The following SEC23A variants were observed in gnomAD, a reference collection of about 807,000 sequenced individuals.
SEC23A encodes the protein SEC23 homolog A, COPII component.
In SEC23A, 56 loss-of-function variants were observed where a neutral mutation model predicts 103.7. The ratio of observed to expected loss-of-function variants is 0.54; its 90% confidence interval spans 0.44 to 0.67. SEC23A has a LOEUF of 0.67. Ranked by LOEUF, SEC23A falls within the 30% of genes least tolerant of loss-of-function variation. The pLI, the probability that SEC23A is intolerant of heterozygous loss-of-function variation, is 0.00. For synonymous variants in SEC23A, 281 were observed against 293.0 expected, an observed-to-expected ratio of 0.96 and a Z score of 0.42; for missense variants, 784 against 936.4, an observed-to-expected ratio of 0.84 and a Z score of 2.12.
chr14:39,052,074 C>T (rs1886082711), intron 14 of SEC23A, among the ~76,000 whole-genome samples: 1 of 151,992 alleles, frequency 6.6e-6, no homozygotes, highest in South Asian at 2.1e-4. Context: ...GCAAACACCA[C>T]ATGCTCTCAC....
intron 17 of SEC23A, among the ~76,000 whole-genome samples, chr14:39,041,829 A>G (rs1885657473): frequency 6.7e-6 from 1 of 148,720 alleles, no homozygotes; most frequent in African/African-American, 2.5e-5. Flanking sequence ...AGATAGCGCC[A>G]CTGCACTCCA....
At chr14:39,076,235 T>A in intron 7 of SEC23A, 142 bp from the exon 8 acceptor site, 1 of 801,348 alleles carries the variant, frequency 1.2e-6, no homozygotes, top group Non-Finnish European at 1.9e-6. Context: ...CAATGAAATT[T>A]AAAAACAAAG....
intron 1 of SEC23A, among the ~76,000 whole-genome samples, chr14:39,098,154 C>T (rs1210739681): frequency 1.3e-5 from 2 of 151,642 alleles, no homozygotes; most frequent in Non-Finnish European, 2.9e-5. Flanking sequence ...GTGGTATGAG[C>T]TTTCAAGGAA....
chr14:39,084,262 G>A (rs1179187192), intron 7 of SEC23A, among the ~76,000 whole-genome samples: 1 of 150,680 alleles, frequency 6.6e-6, no homozygotes, highest in African/African-American at 2.4e-5. Flanking sequence ...TCCTGACCTC[G>A]TGATCCACCC....
intron 13 of SEC23A, among the ~76,000 whole-genome samples, chr14:39,059,291 A>AAAAAAAAAC (rs1886377565): frequency 1.5e-5 from 1 of 66,986 alleles, no homozygotes; most frequent in Non-Finnish European, 3.8e-5. Context: ...AAAAAAAAAA[A>AAAAAAAAAC]AAAAAAAAAA....
rs1326477631 is a variant in SEC23A at position 39,083,772 on chromosome 14, TC to T, written c.828+1989del. ...TAGAGACAGGGTTTCACCACGTTGC[TC>T]AGGCTGGTCTCGAACTCCTGACCTC... On this transcript the variant is annotated intron_variant, in intron 7 of 19. Coordinates refer to ENST00000307712, the MANE Select transcript of SEC23A (RefSeq NM_006364.4). 7.3e-5 allele frequency among the ~76,000 whole-genome samples: 11 copies of T among 151,660 alleles called. No individual in the cohort carries two copies. The East Asian group carries it at 2.2e-3, about 30-fold the overall frequency.
Position 39,091,676 on chromosome 14 carries a change from A to G in SEC23A, c.404T>C (p.Val135Ala), listed in dbSNP as rs950246834. ...PQMPLIFLYV[V>A]DTCMEDEDLQ... The stretch of plus-strand genomic sequence containing the variant: ...ATCTTCATCTTCCATGCAAGTATCA[A>G]CCACATAGAGGAATATCAAAGGCAT... The change falls in exon 5 of 20, where the codon GTT becomes GCT. Residue 135 changes from valine to alanine, a missense_variant. Physicochemically the swap from Val to Ala is moderately conservative, Grantham distance 64. Coordinates refer to ENST00000307712, the MANE Select transcript of SEC23A (RefSeq NM_006364.4). The G allele has an allele frequency of 1.2e-6, 2 of 1,614,020 alleles. No homozygotes were observed. Among genetic ancestry groups the G allele is most frequent in the Non-Finnish European group, 1.7e-6 (2 of 1,179,932 alleles).
chr14:39,047,854 T>C (rs1885895670), intron 15 of SEC23A, among the ~76,000 whole-genome samples: 1 of 152,192 alleles, frequency 6.6e-6, no homozygotes, highest in South Asian at 2.1e-4. Context: ...TAAAAATATC[T>C]ATCAAATCAA....
chr14:39,075,232 T>C (rs1372042342), intron 8 of SEC23A, among the ~76,000 whole-genome samples: 2 of 152,176 alleles, frequency 1.3e-5, no homozygotes, highest in South Asian at 2.1e-4. Context: ...AAAACCTTTT[T>C]TGAAGCTGTA....
intron 12 of SEC23A, among the ~76,000 whole-genome samples, chr14:39,062,944 T>C (rs571050511): frequency 6.6e-6 from 1 of 152,314 alleles, no homozygotes; most frequent in East Asian, 1.9e-4. Flanking sequence ...CAAAGACTCA[T>C]ATGTCATATA....
intron 14 of SEC23A, among the ~76,000 whole-genome samples, chr14:39,053,793 T>C (rs1411089894): frequency 2.6e-5 from 4 of 152,184 alleles, no homozygotes; most frequent in Non-Finnish European, 5.9e-5. Context: ...AAGAAGTACC[T>C]TCAAAGAATA....
Position 39,095,880 on chromosome 14 carries a change from T to C in SEC23A, c.221+18A>G, listed in dbSNP as rs750581161. The C allele has an allele frequency of 6.5e-7, 1 of 1,537,302 alleles. No homozygotes were observed. The highest frequency in any genetic ancestry group is 9.0e-7 in the Non-Finnish European group (1 of 1,110,454). ...AAAATCACATTGCCACATTAGTTTT[T>C]CTATATATTTTACTTACCATAAAGG... On this transcript the variant is annotated intron_variant, in intron 2 of 19. Transcript: ENST00000307712.
chr14:39,090,323 T>C (rs185466038), intron 5 of SEC23A, among the ~76,000 whole-genome samples: 11 of 152,254 alleles, frequency 7.2e-5, no homozygotes, highest in Admixed American at 7.2e-4. Context: ...TCTTATATTA[T>C]ATATATAAGG....
rs758226591 is a variant in SEC23A, at chr14:39,040,788, G to A, written c.2086C>T (p.Leu696Phe). Reference protein sequence around the residue: ...QAPVDDAQEILHSRFPMPRYI... With the variant: ...QAPVDDAQEIFHSRFPMPRYI... ...CTTGGCATTGGAAATCTGGAGTGAA[G>A]AATTTCCTGTGCATCATCCACTGGG... The change falls in exon 18 of 20, where the codon CTT becomes TTT. Residue 696 changes from leucine (L) to phenylalanine (F), a missense_variant. Physicochemically the swap from Leu to Phe is conservative, Grantham distance 22 (BLOSUM62 0). Transcript: ENST00000307712. The A allele has an allele frequency of 3.1e-6, 5 of 1,614,194 alleles. No homozygotes were observed. The highest frequency in any genetic ancestry group is 4.2e-6 in the Non-Finnish European group (5 of 1,180,038).
At chr14:39,086,307 C>G (rs2139276828) in intron 6 of SEC23A, among the ~76,000 whole-genome samples, 1 of 152,268 alleles carries the variant, frequency 6.6e-6, no homozygotes, top group South Asian at 2.1e-4. Context: ...AATACATCAA[C>G]TAAATTTTAG....
rs202177522 is a variant in SEC23A, at chr14:39,094,395, C to T, written c.222-1151G>A. Among the ~76,000 whole-genome samples the T allele has an allele frequency of 8.6e-3, 96 of 11,106 alleles. 11 individuals carry two copies. The highest frequency in any genetic ancestry group is 0.011 in the Non-Finnish European group (48 of 4,274). The allele number at this position is 11,106 out of a possible 152,430, so 7.3% of individuals were successfully genotyped here. On this transcript the variant is annotated intron_variant, in intron 2 of 19. Transcript: ENST00000307712. ...ATATACACACACACACACACACACA[C>T]ACATATATATATATATATATATATA...
At chr14:39,078,172 T>G (rs1335997482) in intron 7 of SEC23A, among the ~76,000 whole-genome samples, 1 of 151,940 alleles carries the variant, frequency 6.6e-6, no homozygotes, top group Non-Finnish European at 1.5e-5. Flanking sequence ...GGAGGATTGG[T>G]TGAGCCCAGG....
At chr14:39,038,934 A>C in intron 19 of SEC23A, 97 bp downstream of exon 19, 1 of 1,055,502 alleles carries the variant, frequency 9.5e-7, no homozygotes, top group South Asian at 1.3e-5. Context: ...AACAGAAACC[A>C]TTACTAAATA....
chr14:39,031,938 T>G lies in SEC23A; in HGVS notation c.*1301A>C, dbSNP rs1250706080. ...CAGAAAAACAGTGAAAAGTATATTT[T>G]ATTGGCATTTAGGCCTAGCGTAGTT... On this transcript the variant is annotated 3_prime_UTR_variant, in exon 20 of 20. Transcript: ENST00000307712. The G allele has an allele frequency of 6.5e-6, 1 of 152,680 alleles. No homozygotes were observed. The highest frequency in any genetic ancestry group is 2.4e-5 in the African/African-American group (1 of 41,470). 9.5% of individuals were successfully genotyped at this position (152,680 alleles called of 1,614,324 possible).
Sources: gnomAD v4.1 joint callset for allele counts (sites outside exome capture counted in the v4.1 genomes callset) on GRCh38, gnomAD v4.1.1 for gene constraint, MANE v1.5 for transcripts, NCBI Gene and HGNC (gene_info 2026-07-23, HGNC 2026-07-21) for gene names.